Variants in FGGY observed in about 807,000 individuals in gnomAD.
The protein encoded by FGGY is FGGY carbohydrate kinase domain-containing protein.
FGGY carries 72 observed loss-of-function variants against 71.3 expected under a neutral mutation model. The observed-to-expected ratio is 1.01, with a 90% confidence interval of 0.84 to 1.23. FGGY has a LOEUF of 1.23. Ranked by LOEUF, FGGY falls within the 50% of genes most tolerant of loss-of-function variation. FGGY has a pLI of 0.00. For missense variants in FGGY, 668 were observed against 682.3 expected, an observed-to-expected ratio of 0.98 and a Z score of 0.23; for synonymous variants, 251 against 250.3, an observed-to-expected ratio of 1.00 and a Z score of -0.02.
chr1:59,647,477 C>T (rs1396913688), intron 11 of FGGY, among the ~76,000 whole-genome samples: 1 of 152,166 alleles, frequency 6.6e-6, no homozygotes, highest in African/African-American at 2.4e-5. Flanking sequence ...AATTTATTCT[C>T]TTACAGTTCT....
intron 6 of FGGY, among the ~76,000 whole-genome samples, chr1:59,494,806 A>G (rs2093981511): frequency 6.6e-6 from 1 of 152,164 alleles, no homozygotes; most frequent in Admixed American, 6.6e-5. Flanking sequence ...GATTTTTAGG[A>G]AACAAAAATT....
At chr1:59,736,477 A>G (rs2101091041) in intron 14 of FGGY, among the ~76,000 whole-genome samples, 1 of 152,278 alleles carries the variant, frequency 6.6e-6, no homozygotes, top group African/African-American at 2.4e-5. Context: ...TGATATGAAC[A>G]ATAAAGTCCA....
At chr1:59,461,290 C>A (rs1353281607) in intron 6 of FGGY, among the ~76,000 whole-genome samples, 1 of 151,970 alleles carries the variant, frequency 6.6e-6, no homozygotes, top group South Asian at 2.1e-4. Context: ...GCTTCAATAG[C>A]CAATTCAATC....
chr1:59,299,035 T>A (rs755387964), intron 1 of FGGY, among the ~76,000 whole-genome samples: 4 of 152,182 alleles, frequency 2.6e-5, no homozygotes, highest in Non-Finnish European at 5.9e-5. Flanking sequence ...TATGTGATAG[T>A]GAGATGAGTA....
intron 7 of FGGY, among the ~76,000 whole-genome samples, chr1:59,513,671 G>A (rs1024379194): frequency 1.3e-5 from 2 of 152,148 alleles, no homozygotes; most frequent in Non-Finnish European, 1.5e-5. Flanking sequence ...TTGAGAACAG[G>A]AACATTATGT....
chr1:59,656,680 A>G lies in FGGY; in HGVS notation c.1222-3539A>G, dbSNP rs61274596. On this transcript the variant is annotated intron_variant, in intron 11 of 15. Coordinates refer to ENST00000303721, the MANE Select transcript of FGGY (RefSeq NM_018291.5). ...GTGAGGGAATACTGGAAACGGTTGT[A>G]TGAGAATTGTGTTTGTGGCTTCCCT... Among the ~76,000 whole-genome samples, 532 of 152,314 alleles carry G rather than the reference A, an allele frequency of 3.5e-3. 4 individuals are homozygous for G. The highest frequency in any genetic ancestry group is 0.012 in the African/African-American group (508 of 41,576).
At chr1:59,723,554 G>GTTTTTTTTTTTTTTTTTTTT (rs563147278) in intron 14 of FGGY, among the ~76,000 whole-genome samples, 1 of 81,792 alleles carries the variant, frequency 1.2e-5, no homozygotes, top group Non-Finnish European at 2.5e-5. Context: ...GCATTTTCTT[G>GTTTTTTTTTTTTTTTTTTTT]TTTTTTTTTG....
chr1:59,310,560 G>T (rs1440901244), intron 1 of FGGY, among the ~76,000 whole-genome samples: 1 of 152,178 alleles, frequency 6.6e-6, no homozygotes, highest in Non-Finnish European at 1.5e-5. Context: ...CCTGTCCCCC[G>T]ACTATCTCCC....
chr1:59,594,930 C>A (rs1433606203), intron 8 of FGGY, among the ~76,000 whole-genome samples: 2 of 152,160 alleles, frequency 1.3e-5, no homozygotes, highest in Non-Finnish European at 2.9e-5. Context: ...TTGAGAATAC[C>A]CCTGGGCAGT....
intron 6 of FGGY, among the ~76,000 whole-genome samples, chr1:59,509,621 GC>G (rs1243227876): frequency 1.3e-5 from 2 of 152,048 alleles, no homozygotes; most frequent in African/African-American, 2.4e-5. Context: ...TCCCTTAGGG[GC>G]CCCTTCTCCC....
At chr1:59,306,967 G>A (rs984133118) in intron 1 of FGGY, among the ~76,000 whole-genome samples, 2 of 152,058 alleles carry the variant, frequency 1.3e-5, no homozygotes, top group Admixed American at 6.6e-5. Context: ...GAAAGGACTC[G>A]GTTGCTGACT....
chr1:59,332,102 G>A (rs1463210697), intron 2 of FGGY: 4 of 152,100 alleles, frequency 2.6e-5, no homozygotes, highest in African/African-American at 9.7e-5. Flanking sequence ...ACCCAATATG[G>A]CAGATCTTGC....
chr1:59,449,510 C>T (rs1374734379), intron 5 of FGGY, among the ~76,000 whole-genome samples: 1 of 152,160 alleles, frequency 6.6e-6, no homozygotes, highest in Non-Finnish European at 1.5e-5. Flanking sequence ...GTCTCGAACT[C>T]CTGACCTTGT....
chr1:59,762,565 C>A lies in FGGY; in HGVS notation c.1637C>A (p.Ala546Glu), dbSNP rs776721125. The change falls in exon 16 of 16, where the codon GCG becomes GAG. Residue 546 changes from alanine (A) to glutamate (E), a missense_variant. By Grantham distance (107) the Ala-to-Glu change is moderately radical. This residue lies in a region of FGGY where 661 missense variants were observed against 661.6 expected (regional missense o/e 1.00). Transcript: ENST00000303721. ...GTTGAACACCAGAAGGAGTATTTGGCGATCATGAATGATGACTGAACAGGG... is the reference window on the plus strand; with the variant it reads ...GTTGAACACCAGAAGGAGTATTTGGAGATCATGAATGATGACTGAACAGGG... ...KLVEHQKEYLAIMNDD is the reference protein window; with the variant it reads ...KLVEHQKEYLEIMNDD The A allele has an allele frequency of 6.2e-7, 1 of 1,613,526 alleles. No homozygotes were observed. The highest frequency in any genetic ancestry group is 8.5e-7 in the Non-Finnish European group (1 of 1,179,630).
intron 5 of FGGY, among the ~76,000 whole-genome samples, chr1:59,442,676 C>T (rs756793377): frequency 3.4e-4 from 52 of 152,168 alleles, no homozygotes; most frequent in South Asian, 8.3e-4. Flanking sequence ...GTGAGTAGGC[C>T]GTTCCTTGGG....
chr1:59,404,212 C>T (rs114425118), intron 5 of FGGY, among the ~76,000 whole-genome samples: 3,170 of 151,784 alleles, frequency 0.021, 116 homozygotes, highest in African/African-American at 0.072. Flanking sequence ...TGTCGGGGGG[C>T]GGGGCCACAG....
chr1:59,759,477 C>T (rs1410293242), intron 15 of FGGY, among the ~76,000 whole-genome samples: 1 of 152,170 alleles, frequency 6.6e-6, no homozygotes, highest in Non-Finnish European at 1.5e-5. Flanking sequence ...GAAAGATTGT[C>T]TTTCTCCATC....
chr1:59,392,537 A>C (rs554932887), intron 5 of FGGY, among the ~76,000 whole-genome samples: 1 of 152,098 alleles, frequency 6.6e-6, no homozygotes, highest in Admixed American at 6.5e-5. Context: ...AGTCTGTAAG[A>C]TGTAGTGGGG....
intron 6 of FGGY, among the ~76,000 whole-genome samples, chr1:59,469,351 T>G (rs2092820514): frequency 6.6e-6 from 1 of 152,206 alleles, no homozygotes; most frequent in Admixed American, 6.5e-5. Context: ...AAGGGCCTTC[T>G]TGCTGCATCA....
Sources: allele counts gnomAD v4.1 joint callset (sites outside exome capture counted in the v4.1 genomes callset), GRCh38; gene constraint gnomAD v4.1.1; regional missense constraint gnomAD v4.1.1; transcripts MANE v1.5; gene names NCBI Gene and HGNC (gene_info 2026-07-23, HGNC 2026-07-21).